Variants in MALRD1 observed in about 807,000 individuals in gnomAD.
MALRD1 encodes MAM and LDL receptor class A domain containing 1.
MALRD1 carries 247 observed loss-of-function variants against 242.1 expected under a neutral mutation model. That is an observed-to-expected ratio of 1.02 (90% CI 0.92 to 1.13). The LOEUF (loss-of-function observed/expected upper bound fraction) is 1.13. Among genes scored for constraint, MALRD1 ranks in the 50% most tolerant of loss-of-function variants. The pLI is 0.00. For synonymous variants in MALRD1, 995 were observed against 866.6 expected (o/e 1.15, Z -2.60); for missense variants, 2,989 against 2,533.1 (o/e 1.18, Z -3.86).
At chr10:19,046,945 T>G (rs1313271833), upstream of MALRD1, among the ~76,000 whole-genome samples, 1 of 152,322 alleles carries the variant, frequency 6.6e-6, no homozygotes, top group Non-Finnish European at 1.5e-5. Context: ...TCAGTAAGGC[T>G]GTGCTGGAGA....
chr10:19,719,225 T>TAC (rs1310654869), intron 38 of MALRD1, among the ~76,000 whole-genome samples: 27 of 22,914 alleles, frequency 1.2e-3, no homozygotes, highest in Admixed American at 5.9e-3. Flanking sequence ...CATACATACA[T>TAC]ATATATATAT....
At chr10:19,222,551 C>T (rs1445029610) in intron 18 of MALRD1, among the ~76,000 whole-genome samples, 1 of 152,126 alleles carries the variant, frequency 6.6e-6, no homozygotes, top group African/African-American at 2.4e-5. Context: ...TTGTAAATAA[C>T]TATACCATCA....
At chr10:19,704,426 C>T (rs1166351317) in intron 38 of MALRD1, among the ~76,000 whole-genome samples, 3 of 152,152 alleles carry the variant, frequency 2.0e-5, no homozygotes, top group African/African-American at 4.8e-5. Context: ...GATCTGGAGC[C>T]TCTTTGCCTT....
chr10:19,433,052 C>T lies in MALRD1; in HGVS notation c.4846-17255C>T, dbSNP rs150038408. On this transcript the variant is annotated intron_variant, in intron 28 of 39. Transcript: ENST00000454679. The stretch of plus-strand genomic sequence containing the variant: ...CTTGCAGTTATTTATTGAACACTTA[C>T]TATGTGCAGGGCACTGTGTTAGGTA... Among the ~76,000 whole-genome samples, 73 of 152,294 alleles carry T rather than the reference C, an allele frequency of 4.8e-4. No homozygotes were observed. The East Asian group carries it at 0.014, about 29-fold the overall frequency.
At chr10:19,259,637 T>C (rs1056253107) in intron 19 of MALRD1, among the ~76,000 whole-genome samples, 1 of 152,148 alleles carries the variant, frequency 6.6e-6, no homozygotes, top group Admixed American at 6.5e-5. Flanking sequence ...TTGGGAATTA[T>C]AGGAGCCATA....
intron 31 of MALRD1, among the ~76,000 whole-genome samples, chr10:19,507,651 A>T (rs1833202735): frequency 6.6e-6 from 1 of 152,200 alleles, no homozygotes; most frequent in Non-Finnish European, 1.5e-5. Context: ...TTCAGAACAA[A>T]TTTCTGTTTA....
At chr10:19,489,711 C>T (rs571635769) in intron 29 of MALRD1, among the ~76,000 whole-genome samples, 3 of 152,170 alleles carry the variant, frequency 2.0e-5, no homozygotes, top group African/African-American at 7.2e-5. Context: ...GTTTTTATAT[C>T]CTATAATACA....
intron 25 of MALRD1, among the ~76,000 whole-genome samples, chr10:19,348,749 A>G (rs1409259532): frequency 1.3e-5 from 2 of 152,312 alleles, no homozygotes; most frequent in African/African-American, 2.4e-5. Context: ...TAGCTAGGCT[A>G]GGAACTAAAT....
chr10:19,140,977 G>T (rs1432316247), intron 10 of MALRD1, among the ~76,000 whole-genome samples: 1 of 152,046 alleles, frequency 6.6e-6, no homozygotes, highest in South Asian at 2.1e-4. Flanking sequence ...ATGATGAAAT[G>T]ATGCTAATTA....
intron 21 of MALRD1, among the ~76,000 whole-genome samples, chr10:19,296,600 T>C (rs1184958509): frequency 6.6e-6 from 1 of 152,132 alleles, no homozygotes; most frequent in Non-Finnish European, 1.5e-5. Flanking sequence ...TTAAGGCATA[T>C]GCTTACTATA....
chr10:19,406,500 C>T (rs545323073), intron 28 of MALRD1, among the ~76,000 whole-genome samples: 2 of 152,166 alleles, frequency 1.3e-5, no homozygotes, highest in South Asian at 2.1e-4. Context: ...GATGAGATCC[C>T]GTCAGGTGTT....
chr10:19,517,074 C>T (rs537505577), intron 31 of MALRD1, among the ~76,000 whole-genome samples: 26 of 152,148 alleles, frequency 1.7e-4, no homozygotes, highest in Non-Finnish European at 3.1e-4. Context: ...CTGGTTGAAG[C>T]AGGATTGAAT....
chr10:19,447,041 A>AACACAC (rs10535583), intron 28 of MALRD1, among the ~76,000 whole-genome samples: 32 of 148,462 alleles, frequency 2.2e-4, no homozygotes, highest in African/African-American at 7.9e-4. Flanking sequence ...CTCTGTTAGG[A>AACACAC]ACACACACAC....
At chr10:19,127,450 T>C (rs1837317885) in intron 7 of MALRD1, among the ~76,000 whole-genome samples, 1 of 152,212 alleles carries the variant, frequency 6.6e-6, no homozygotes, top group African/African-American at 2.4e-5. Flanking sequence ...ATGTTCTTGT[T>C]TTTGTCTTTC....
At chr10:19,077,993 T>C (rs565178581) in intron 2 of MALRD1, among the ~76,000 whole-genome samples, 55 of 152,010 alleles carry the variant, frequency 3.6e-4, no homozygotes, top group African/African-American at 1.3e-3. Flanking sequence ...GAAAACATAT[T>C]TGTAGTTCTT....
At chr10:19,326,248 G>A (rs903174352) in intron 22 of MALRD1, among the ~76,000 whole-genome samples, 24 of 152,020 alleles carry the variant, frequency 1.6e-4, no homozygotes, top group African/African-American at 5.8e-4. Context: ...AGTAAAATGA[G>A]AATTATTTGC....
At chr10:19,696,423 G>A (rs1405987466) in intron 38 of MALRD1, among the ~76,000 whole-genome samples, 4 of 152,142 alleles carry the variant, frequency 2.6e-5, no homozygotes, top group Non-Finnish European at 4.4e-5. Context: ...CACCAAATAT[G>A]TCACAGAGCA....
At chr10:19,155,020 C>A in intron 11 of MALRD1, 55 bp from the exon 12 acceptor site, 1 of 980,104 alleles carries the variant, frequency 1.0e-6, no homozygotes, top group South Asian at 5.1e-5. Flanking sequence ...GAGCAAAGAA[C>A]AGCTAAGTGT....
At chr10:19,442,690 GC>G (rs1270554451) in intron 28 of MALRD1, among the ~76,000 whole-genome samples, 2 of 152,142 alleles carry the variant, frequency 1.3e-5, no homozygotes, top group African/African-American at 4.8e-5. Flanking sequence ...TGGTGGATAA[GC>G]TTTTTGATGT....
Sources: gnomAD v4.1 joint callset for allele counts (sites outside exome capture counted in the v4.1 genomes callset) on GRCh38, gnomAD v4.1.1 for gene constraint, MANE v1.5 for transcripts, NCBI Gene and HGNC (gene_info 2026-07-23, HGNC 2026-07-21) for gene names.